ANKS1B: variants seen among roughly 807,000 people sequenced by gnomAD.
The protein encoded by ANKS1B is ankyrin repeat and sterile alpha motif domain-containing protein 1B.
ANKS1B carries 36 observed loss-of-function variants against 148.3 expected under a neutral mutation model. The ratio of observed to expected loss-of-function variants is 0.24; its 90% confidence interval spans 0.19 to 0.32. The LOEUF is 0.32. Ranked by LOEUF, ANKS1B falls within the 10% of genes least tolerant of loss-of-function variation. The probability of loss-of-function intolerance (pLI) is 1.00; values close to 1 mark genes in which losing one functional copy is unlikely to be tolerated. For missense variants in ANKS1B, 1,157 were observed against 1,542.6 expected (o/e 0.75, Z 4.19); for synonymous variants, 542 against 560.8 (o/e 0.97, Z 0.47).
intron 24 of ANKS1B, among the ~76,000 whole-genome samples, chr12:98,776,404 G>A (rs904391125): frequency 2.0e-5 from 3 of 152,228 alleles, no homozygotes; most frequent in Non-Finnish European, 4.4e-5. Flanking sequence ...AAGAAGGCCA[G>A]AGCTTTAAAA....
chr12:99,766,078 C>T (rs550231715), intron 8 of ANKS1B, among the ~76,000 whole-genome samples: 2 of 152,264 alleles, frequency 1.3e-5, no homozygotes, highest in South Asian at 2.1e-4. Flanking sequence ...CTCTGGAATT[C>T]ATCTCCAAAT....
chr12:98,857,904 CAAA>C (rs2099580117), intron 17 of ANKS1B, among the ~76,000 whole-genome samples: 1 of 152,154 alleles, frequency 6.6e-6, no homozygotes, highest in Non-Finnish European at 1.5e-5. Context: ...AACTGCTTGA[CAAA>C]GAAGTATGTA....
chr12:99,867,805 G>A (rs914820325), intron 1 of ANKS1B, among the ~76,000 whole-genome samples: 12 of 152,156 alleles, frequency 7.9e-5, no homozygotes, highest in African/African-American at 2.9e-4. Context: ...TGTTGTTGTT[G>A]TTGTTGTTGT....
At chr12:99,709,775 T>C (rs905192537) in intron 8 of ANKS1B, among the ~76,000 whole-genome samples, 4 of 152,084 alleles carry the variant, frequency 2.6e-5, no homozygotes, top group Admixed American at 6.6e-5. Context: ...ACTATAGTGG[T>C]AGGTCATAAT....
intron 9 of ANKS1B, among the ~76,000 whole-genome samples, chr12:99,532,245 C>G (rs2097003518): frequency 6.6e-6 from 1 of 152,180 alleles, no homozygotes; most frequent in South Asian, 2.1e-4. Context: ...CTTTTGGGGT[C>G]TGTGCCCTAA....
chr12:98,816,266 G>A (rs554398748), intron 19 of ANKS1B, among the ~76,000 whole-genome samples: 119 of 152,136 alleles, frequency 7.8e-4, no homozygotes, highest in African/African-American at 2.8e-3. Context: ...CTCTATAAAA[G>A]AATTATTCTT....
At chr12:99,955,447 C>G (rs1417124426) in intron 1 of ANKS1B, among the ~76,000 whole-genome samples, 1 of 130,350 alleles carries the variant, frequency 7.7e-6, no homozygotes, top group Non-Finnish European at 1.6e-5. Flanking sequence ...GAGTCGAGAT[C>G]GCGCCACTGC....
At chr12:99,677,342 AT>A (rs1041067820) in intron 8 of ANKS1B, among the ~76,000 whole-genome samples, 2 of 151,024 alleles carry the variant, frequency 1.3e-5, no homozygotes, top group African/African-American at 4.9e-5. Flanking sequence ...TTGTTTTTTT[AT>A]TTTTTTGTTT....
intron 1 of ANKS1B, among the ~76,000 whole-genome samples, chr12:99,896,406 ATGT>A (rs147274329): frequency 0.047 from 7,109 of 151,210 alleles, 587 homozygotes; most frequent in African/African-American, 0.16. Flanking sequence ...ACTTCCATTC[ATGT>A]TGTTACAAAT....
chr12:99,942,799 A>C (rs1391811636), intron 1 of ANKS1B, among the ~76,000 whole-genome samples: 1 of 152,004 alleles, frequency 6.6e-6, no homozygotes, highest in Non-Finnish European at 1.5e-5. Flanking sequence ...CTTCCAGAGG[A>C]AAAGGAAGAA....
chr12:99,758,751 T>A (rs1361899052), intron 8 of ANKS1B, among the ~76,000 whole-genome samples: 2 of 151,882 alleles, frequency 1.3e-5, no homozygotes, highest in Non-Finnish European at 2.9e-5. Context: ...TACAAAAATA[T>A]GTTATTGAAG....
chr12:98,965,055 A>C (rs539979415), intron 17 of ANKS1B, among the ~76,000 whole-genome samples: 22 of 152,330 alleles, frequency 1.4e-4, no homozygotes, highest in Non-Finnish European at 2.9e-4. Flanking sequence ...CTGTATCAAA[A>C]CATCTCATGT....
In ANKS1B at chr12:98,794,849, T is replaced by A. The variant is rs2098933051; in HGVS notation, c.3342+4085A>T. The A allele has an allele frequency of 6.2e-6, 10 of 1,602,714 alleles. 2 individuals are homozygous for A. The South Asian group carries it at 8.8e-5, about 14-fold the overall frequency. Reference sequence around the variant, plus strand: ...AAAGAGCTACAGAAAGTTCAGGATATCAAAGAAGTCAAGCAAAACATCCAT... The same window carrying A: ...AAAGAGCTACAGAAAGTTCAGGATAACAAAGAAGTCAAGCAAAACATCCAT... On this transcript the variant is annotated intron_variant, in intron 22 of 26. Transcript: ENST00000683438.
At chr12:99,010,814 C>T (rs1206207087) in intron 17 of ANKS1B, among the ~76,000 whole-genome samples, 2 of 148,428 alleles carry the variant, frequency 1.3e-5, no homozygotes, top group Middle Eastern at 3.2e-3. Context: ...TGCAGTAGTG[C>T]GATCATGGCT....
chr12:98,994,926 G>T (rs1020652210), intron 17 of ANKS1B, among the ~76,000 whole-genome samples: 1 of 152,142 alleles, frequency 6.6e-6, no homozygotes, highest in African/African-American at 2.4e-5. Context: ...TTTATGTATT[G>T]TTGGAGGATA....
intron 15 of ANKS1B, among the ~76,000 whole-genome samples, chr12:99,130,523 C>T (rs1184166726): frequency 1.3e-5 from 2 of 152,126 alleles, no homozygotes; most frequent in Non-Finnish European, 2.9e-5. Flanking sequence ...TGCAATATCC[C>T]GGACTCTTCT....
chr12:99,149,226 A>G (rs623630), intron 15 of ANKS1B, among the ~76,000 whole-genome samples: 5,439 of 152,254 alleles, frequency 0.036, 130 homozygotes, highest in Non-Finnish European at 0.052. Flanking sequence ...AAGTTATGTA[A>G]AAGTGGAAAA....
chr12:99,737,859 C>T (rs2059758636), intron 8 of ANKS1B, among the ~76,000 whole-genome samples: 1 of 152,024 alleles, frequency 6.6e-6, no homozygotes, highest in Admixed American at 6.6e-5. Context: ...TTCTGATCAA[C>T]CTCATTGTGT....
At chr12:98,989,395 C>A (rs555040310) in intron 17 of ANKS1B, among the ~76,000 whole-genome samples, 1 of 152,214 alleles carries the variant, frequency 6.6e-6, no homozygotes. Context: ...TTCTTGGTAC[C>A]TTTGTGAAAA....
Sources: gnomAD v4.1 joint callset for allele counts (sites outside exome capture counted in the v4.1 genomes callset) on GRCh38, gnomAD v4.1.1 for gene constraint, MANE v1.5 for transcripts, NCBI Gene and HGNC (gene_info 2026-07-23, HGNC 2026-07-21) for gene names.